CCPG1: variants seen among roughly 807,000 people sequenced by gnomAD.
The protein encoded by CCPG1 is cell cycle progression protein 1.
A neutral mutation model predicts 81.3 loss-of-function variants in CCPG1; 46 were observed. The ratio of observed to expected loss-of-function variants is 0.57; its 90% CI spans 0.45 to 0.72. The LOEUF (loss-of-function observed/expected upper bound fraction) is 0.72. Among genes scored for constraint, CCPG1 ranks in the 30% least tolerant of loss-of-function variants. The pLI, the probability that CCPG1 is intolerant of heterozygous loss-of-function variation, is 0.00. For synonymous variants in CCPG1, 330 were observed against 305.2 expected, an observed-to-expected ratio of 1.08 and a Z score of -0.85; for missense variants, 902 against 937.6, an observed-to-expected ratio of 0.96 and a Z score of 0.50.
intron 1 of CCPG1, 161 bp downstream of exon 1, chr15:55,408,060 C>G (rs896511199): frequency 6.6e-6 from 1 of 152,486 alleles, no homozygotes; most frequent in African/African-American, 2.4e-5. Flanking sequence ...GGAGGTCGCC[C>G]GTGCGGCCGC....
chr15:55,370,939 C>T (rs1435296084), intron 6 of CCPG1, among the ~76,000 whole-genome samples: 2 of 149,914 alleles, frequency 1.3e-5, no homozygotes, highest in South Asian at 2.1e-4. Context: ...GGCAAAACCC[C>T]GTCTCTACTA....
Position 55,360,085 on chromosome 15 carries a change from C to G in CCPG1, c.1688G>C (p.Arg563Thr). 1 of 1,613,672 alleles carries G rather than the reference C, an allele frequency of 6.2e-7. No homozygotes were observed. Among genetic ancestry groups the G allele is most frequent in the Non-Finnish European group, 8.5e-7 (1 of 1,179,886 alleles). ...ATGTAAATAGTCACTAAAAACTGTT[C>G]TTGGTTTTTCAGCTGCTTCTTTTGT... is the stretch of plus-strand genomic sequence containing the variant. ...GATKEAAEKP[R>T]TVFSDYLHPQ... is the part of the protein sequence containing the mutation. The change falls in exon 8 of 9, where the codon AGA (arginine) becomes ACA (threonine). Residue 563 changes from arginine (R) to threonine (T), a missense_variant. Physicochemically the swap from Arg to Thr is moderately conservative, Grantham distance 71. Transcript: ENST00000442196.
At chr15:55,399,944 A>G (rs1211062035) in intron 1 of CCPG1, 1 of 151,444 alleles carries the variant, frequency 6.6e-6, no homozygotes, top group Non-Finnish European at 1.5e-5. Flanking sequence ...AAATACAACA[A>G]ATTAGTAGGG....
chr15:55,380,421 A>G (rs937468598), intron 3 of CCPG1, among the ~76,000 whole-genome samples: 2 of 151,000 alleles, frequency 1.3e-5, no homozygotes, highest in Non-Finnish European at 3.0e-5. Flanking sequence ...TCAGGCTCCC[A>G]AGTAGCTGGG....
chr15:55,360,297 T>C lies in CCPG1; in HGVS notation c.1476A>G (p.Thr492=). Residue 492 remains threonine (T), a synonymous_variant, in exon 8 of 9, where the codon ACA becomes ACG. Coordinates refer to ENST00000442196, the MANE Select transcript of CCPG1 (RefSeq NM_001204450.2). The part of the protein sequence containing the change: ...KETFLGSVKE[T]FDAMKNSTKE... ...TGGTAGAATTCTTCATGGCATCAAA[T>C]GTTTCCTTAACTGAACCCAAAAATG... 2.5e-6 allele frequency: 4 copies of C among 1,614,058 alleles called. No individual in the cohort carries two copies. The highest frequency in any genetic ancestry group is 3.4e-6 in the Non-Finnish European group (4 of 1,179,984).
At chr15:55,388,587 T>C (rs1372233467) in intron 2 of CCPG1, among the ~76,000 whole-genome samples, 1 of 152,166 alleles carries the variant, frequency 6.6e-6, no homozygotes, top group Non-Finnish European at 1.5e-5. Context: ...AAACAGTATG[T>C]ATCACAGTGA....
chr15:55,364,560 CAAACA>C (rs765612317), intron 7 of CCPG1, among the ~76,000 whole-genome samples: 8 of 150,752 alleles, frequency 5.3e-5, no homozygotes, highest in East Asian at 4.0e-4. Context: ...TTAGCTCTCC[CAAACA>C]AAACAAAACA....
At chr15:55,403,485 C>G (rs1034259655) in intron 1 of CCPG1, among the ~76,000 whole-genome samples, 1 of 151,994 alleles carries the variant, frequency 6.6e-6, no homozygotes. Context: ...CTAATACTTC[C>G]TCAGGTAATT....
intron 3 of CCPG1, among the ~76,000 whole-genome samples, chr15:55,382,135 T>A (rs888384760): frequency 6.6e-6 from 1 of 152,314 alleles, no homozygotes. Flanking sequence ...ACCACTGTGG[T>A]AGCTGCTGAA....
chr15:55,392,210 A>AT (rs35816626), intron 1 of CCPG1, among the ~76,000 whole-genome samples: 6,451 of 122,912 alleles, frequency 0.052, 238 homozygotes, highest in East Asian at 0.16. Flanking sequence ...ATCAGATTTG[A>AT]TTTTTTTTTT....
chr15:55,376,365 C>T (rs1289373061), intron 5 of CCPG1, among the ~76,000 whole-genome samples: 2 of 152,166 alleles, frequency 1.3e-5, no homozygotes, highest in Non-Finnish European at 2.9e-5. Context: ...GTCTGTACAA[C>T]GGGCATTGAT....
At chr15:55,380,402 C>G (rs900338489) in intron 3 of CCPG1, among the ~76,000 whole-genome samples, 1 of 151,364 alleles carries the variant, frequency 6.6e-6, no homozygotes, top group African/African-American at 2.4e-5. Context: ...TTCACGCCAT[C>G]CTCCTGCCTC....
intron 1 of CCPG1, among the ~76,000 whole-genome samples, chr15:55,394,187 A>G (rs1566981583): frequency 6.6e-6 from 1 of 152,084 alleles, no homozygotes; most frequent in South Asian, 2.1e-4. Context: ...GGGTCTTGCT[A>G]GTTTGGTAGG....
chr15:55,386,942 A>C (rs1416340948), intron 2 of CCPG1, among the ~76,000 whole-genome samples: 2 of 152,032 alleles, frequency 1.3e-5, no homozygotes, highest in South Asian at 2.1e-4. Context: ...GTTGAGCCCT[A>C]ATGAGAATTC....
intron 2 of CCPG1, among the ~76,000 whole-genome samples, chr15:55,388,054 G>C (rs1191984711): frequency 6.6e-6 from 1 of 151,898 alleles, no homozygotes; most frequent in Non-Finnish European, 1.5e-5. Flanking sequence ...CAGAGGCTGA[G>C]GCAGGAGAAT....
intron 5 of CCPG1, among the ~76,000 whole-genome samples, chr15:55,375,988 C>A (rs1345832092): frequency 1.3e-5 from 2 of 152,178 alleles, no homozygotes; most frequent in Non-Finnish European, 2.9e-5. Flanking sequence ...CTATGCCCAG[C>A]CAAGAACCTC....
rs766704041 is a variant in CCPG1 at position 55,377,086 on chromosome 15, A to T, written c.317T>A (p.Ile106Asn). ...YIGTASDDSD[I>N]VTLEPPKLEE... ...TAACTTAGGTGGCTCAAGGGTAACA[A>T]TATCAGAATCATCACTGGCAGTTCC... is the stretch of plus-strand genomic sequence containing the variant. Residue 106 changes from isoleucine to asparagine, a missense_variant, in exon 5 of 9, where the codon ATT becomes AAT. Ile to Asn is a moderately radical substitution (Grantham distance 149, BLOSUM62 -3). Coordinates refer to ENST00000442196, the MANE Select transcript of CCPG1 (RefSeq NM_001204450.2). 1.2e-6 allele frequency: 2 copies of T among 1,613,830 alleles called. No homozygotes were observed. The highest frequency in any genetic ancestry group is 3.3e-5 in the Admixed American group (2 of 60,024).
chr15:55,402,066 T>A (rs577158051), intron 1 of CCPG1, among the ~76,000 whole-genome samples: 5 of 152,356 alleles, frequency 3.3e-5, no homozygotes, highest in African/African-American at 1.2e-4. Flanking sequence ...ACATACAGAT[T>A]TCATTTTCCC....
At chr15:55,358,808 T>C (rs2056133677) in intron 8 of CCPG1, 4 of 982,220 alleles carry the variant, frequency 4.1e-6, no homozygotes, top group Non-Finnish European at 4.8e-6. Flanking sequence ...AGATACCAGC[T>C]TAATGACTAA....
Sources: gnomAD v4.1 joint callset for allele counts (sites outside exome capture counted in the v4.1 genomes callset) on GRCh38, gnomAD v4.1.1 for gene constraint, MANE v1.5 for transcripts, NCBI Gene and HGNC (gene_info 2026-07-23, HGNC 2026-07-21) for gene names.